Variants in PAX5 observed in about 807,000 individuals in gnomAD.
PAX5 encodes paired box 5.
PAX5 carries 9 observed loss-of-function variants against 43.7 expected under a neutral mutation model. The ratio of observed to expected loss-of-function variants is 0.21; its 90% CI spans 0.12 to 0.36. The LOEUF (loss-of-function observed/expected upper bound fraction) is 0.36, where lower values mean the gene tolerates loss of function less well. Ranked by LOEUF, PAX5 falls within the 10% of genes least tolerant of loss-of-function variation. The pLI is 1.00. For synonymous variants in PAX5, 228 were observed against 214.3 expected (o/e 1.06, Z -0.56); for missense variants, 383 against 532.7 (o/e 0.72, Z 2.77).
chr9:36,945,243 G>A (rs190002168), intron 6 of PAX5, among the ~76,000 whole-genome samples: 165 of 147,708 alleles, frequency 1.1e-3, no homozygotes, highest in African/African-American at 4.0e-3. Flanking sequence ...TTAGTTTTTT[G>A]TTTGTTTGTT....
chr9:36,911,675 A>G (rs1035241112), intron 7 of PAX5, among the ~76,000 whole-genome samples: 4 of 152,232 alleles, frequency 2.6e-5, no homozygotes, highest in African/African-American at 9.6e-5. Context: ...ATTTCACTGC[A>G]TCTCATGAGC....
chr9:36,916,626 C>T (rs1829744587), intron 7 of PAX5, among the ~76,000 whole-genome samples: 1 of 151,678 alleles, frequency 6.6e-6, no homozygotes, highest in Non-Finnish European at 1.5e-5. Context: ...AAGTTTATTC[C>T]CAGGTGAGAT....
chr9:36,974,716 C>T (rs1316488009), intron 5 of PAX5, among the ~76,000 whole-genome samples: 1 of 152,190 alleles, frequency 6.6e-6, no homozygotes, highest in Non-Finnish European at 1.5e-5. Flanking sequence ...CTCCATGACA[C>T]TTTAACACGG....
intron 6 of PAX5, among the ~76,000 whole-genome samples, chr9:36,924,719 A>AG (rs1303964724): frequency 1.7e-3 from 91 of 52,358 alleles, no homozygotes; most frequent in Middle Eastern, 0.013. Flanking sequence ...GACTCTGTCA[A>AG]AAAAAAGAAA....
chr9:36,996,062 A>G (rs1000921668), intron 5 of PAX5, among the ~76,000 whole-genome samples: 1 of 152,192 alleles, frequency 6.6e-6, no homozygotes, highest in Non-Finnish European at 1.5e-5. Context: ...GCTGCAGGCA[A>G]TCGGCTTCTT....
At chr9:36,994,925 C>G (rs903679622) in intron 5 of PAX5, among the ~76,000 whole-genome samples, 1 of 152,102 alleles carries the variant, frequency 6.6e-6, no homozygotes, top group Non-Finnish European at 1.5e-5. Flanking sequence ...CTACGTGATG[C>G]CCCCACCACG....
At chr9:37,000,229 G>A (rs1295357684) in intron 5 of PAX5, among the ~76,000 whole-genome samples, 3 of 152,098 alleles carry the variant, frequency 2.0e-5, no homozygotes, top group East Asian at 1.9e-4. Context: ...GTGTGAGCCC[G>A]GCCATTGCTG....
chr9:37,005,912 T>G (rs1838347273), intron 4 of PAX5, among the ~76,000 whole-genome samples: 1 of 152,156 alleles, frequency 6.6e-6, no homozygotes, highest in African/African-American at 2.4e-5. Context: ...CTCTGTCGGG[T>G]CACAGCCACT....
chr9:36,911,250 ACT>A (rs1220476417), intron 7 of PAX5, among the ~76,000 whole-genome samples: 4 of 152,130 alleles, frequency 2.6e-5, no homozygotes, highest in African/African-American at 9.7e-5. Flanking sequence ...GCACCATGGT[ACT>A]CCCGGCCTGG....
chr9:36,898,200 C>T (rs767026949), intron 7 of PAX5, among the ~76,000 whole-genome samples: 3 of 152,218 alleles, frequency 2.0e-5, no homozygotes, highest in African/African-American at 7.2e-5. Flanking sequence ...AACATTCAAA[C>T]GTGTAATCCA....
intron 5 of PAX5, among the ~76,000 whole-genome samples, chr9:37,000,374 C>T (rs1412814596): frequency 6.6e-6 from 1 of 152,192 alleles, no homozygotes; most frequent in Non-Finnish European, 1.5e-5. Flanking sequence ...ATTCTCCCTT[C>T]TACCACAGAC....
chr9:37,005,455 T>C (rs933686875), intron 4 of PAX5, among the ~76,000 whole-genome samples: 3 of 152,188 alleles, frequency 2.0e-5, no homozygotes, highest in Admixed American at 2.0e-4. Context: ...CCATGGAGGA[T>C]CAGAGGCCTC....
At chr9:36,956,284 G>A (rs1186948487) in intron 6 of PAX5, among the ~76,000 whole-genome samples, 1 of 152,210 alleles carries the variant, frequency 6.6e-6, no homozygotes, top group Non-Finnish European at 1.5e-5. Context: ...GGTGCAGGCA[G>A]CTCTTTGACA....
chr9:37,031,630 T>A (rs1840996270), intron 1 of PAX5, among the ~76,000 whole-genome samples: 1 of 152,162 alleles, frequency 6.6e-6, no homozygotes, highest in Non-Finnish European at 1.5e-5. Context: ...TCACCTTCCA[T>A]TCCTATTCCC....
chr9:36,975,416 T>C (rs10973147), intron 5 of PAX5, among the ~76,000 whole-genome samples: 94,546 of 149,712 alleles, frequency 0.63, 30,591 homozygotes, highest in East Asian at 0.77. Context: ...GACGGAGTCT[T>C]GCTCTGTTGC....
intron 5 of PAX5, among the ~76,000 whole-genome samples, chr9:36,988,057 C>T (rs1035077402): frequency 1.3e-5 from 2 of 151,492 alleles, no homozygotes; most frequent in Admixed American, 6.6e-5. Context: ...CGGCGGGGAG[C>T]GGGGGAGGAG....
intron 7 of PAX5, among the ~76,000 whole-genome samples, chr9:36,912,612 G>A (rs1429406637): frequency 6.6e-6 from 1 of 152,154 alleles, no homozygotes; most frequent in African/African-American, 2.4e-5. Flanking sequence ...CTCACTAAAT[G>A]TGGCCTTGAG....
At chr9:36,945,457 T>C (rs887684262) in intron 6 of PAX5, among the ~76,000 whole-genome samples, 2 of 152,170 alleles carry the variant, frequency 1.3e-5, no homozygotes, top group Non-Finnish European at 2.9e-5. Flanking sequence ...ACCCAGGCTG[T>C]CTCAAACTCC....
At chr9:36,853,761 T>A (rs1321911621) in intron 8 of PAX5, among the ~76,000 whole-genome samples, 1 of 152,260 alleles carries the variant, frequency 6.6e-6, no homozygotes, top group Non-Finnish European at 1.5e-5. Flanking sequence ...ATGCACTTAA[T>A]GCAGCTGTCC....
Sources: allele counts gnomAD v4.1 joint callset (sites outside exome capture counted in the v4.1 genomes callset), GRCh38; gene constraint gnomAD v4.1.1; transcripts MANE v1.5; gene names NCBI Gene and HGNC (gene_info 2026-07-23, HGNC 2026-07-21).